Variants in GRIP1 observed in about 807,000 individuals in gnomAD.
GRIP1 encodes the protein glutamate receptor interacting protein 1.
In GRIP1, 45 loss-of-function variants were observed where a neutral mutation model predicts 129.9. The observed-to-expected ratio is 0.35, with a 90% CI of 0.27 to 0.44. GRIP1 has a LOEUF of 0.44. Ranked by LOEUF, GRIP1 falls within the 20% of genes least tolerant of loss-of-function variation. The pLI, the probability that GRIP1 is intolerant of heterozygous loss-of-function variation, is 1.00. For missense variants in GRIP1, 1,196 were observed against 1,396.8 expected, an observed-to-expected ratio of 0.86 and a Z score of 2.29; for synonymous variants, 530 against 520.8, an observed-to-expected ratio of 1.02 and a Z score of -0.24.
At chr12:66,658,835 G>C (rs988521596) in intron 1 of GRIP1, among the ~76,000 whole-genome samples, 1 of 151,704 alleles carries the variant, frequency 6.6e-6, no homozygotes, top group Non-Finnish European at 1.5e-5. Flanking sequence ...GAGGGGGGAA[G>C]ATTGCTTCAG....
At chr12:66,656,564 G>A (rs942508558) in intron 1 of GRIP1, among the ~76,000 whole-genome samples, 2 of 152,004 alleles carry the variant, frequency 1.3e-5, no homozygotes, top group Admixed American at 6.6e-5. Flanking sequence ...TTTTCTTATG[G>A]TACGGCATAT....
At chr12:66,945,652 G>A (rs572289989) in intron 1 of GRIP1, among the ~76,000 whole-genome samples, 3 of 152,154 alleles carry the variant, frequency 2.0e-5, no homozygotes, top group Non-Finnish European at 4.4e-5. Flanking sequence ...CAAGCCATGA[G>A]GGATCTGCCC....
At chr12:66,418,712 T>A (rs1223689899) in intron 15 of GRIP1, among the ~76,000 whole-genome samples, 5 of 152,140 alleles carry the variant, frequency 3.3e-5, no homozygotes, top group Admixed American at 3.3e-4. Flanking sequence ...TCAGTGGTCA[T>A]CAGAGAAATG....
intron 1 of GRIP1, among the ~76,000 whole-genome samples, chr12:66,913,839 T>C (rs757165554): frequency 6.6e-6 from 1 of 152,212 alleles, no homozygotes; most frequent in Non-Finnish European, 1.5e-5. Context: ...ATACTGTTCA[T>C]ATCATTTAAT....
At chr12:66,670,862 G>A (rs911993879) in intron 1 of GRIP1, among the ~76,000 whole-genome samples, 8 of 152,048 alleles carry the variant, frequency 5.3e-5, no homozygotes, top group East Asian at 1.9e-4. Context: ...TCACAGGAAG[G>A]CTATAGCAGT....
At chr12:66,593,858 T>C (rs1198308383) in intron 2 of GRIP1, among the ~76,000 whole-genome samples, 1 of 151,762 alleles carries the variant, frequency 6.6e-6, no homozygotes, top group Non-Finnish European at 1.5e-5. Flanking sequence ...CACGAGGTCA[T>C]GAGATGGAGA....
intron 1 of GRIP1, among the ~76,000 whole-genome samples, chr12:67,000,129 G>A (rs1016790547): frequency 1.3e-5 from 2 of 152,092 alleles, no homozygotes; most frequent in Non-Finnish European, 2.9e-5. Flanking sequence ...AGGACCTCTC[G>A]AGGGAAGCAA....
chr12:66,833,818 G>A (rs1271522073), intron 1 of GRIP1, among the ~76,000 whole-genome samples: 1 of 152,042 alleles, frequency 6.6e-6, no homozygotes, highest in African/African-American at 2.4e-5. Context: ...AGCCTTAATA[G>A]ATAAGACAAA....
chr12:66,601,750 C>G (rs531591395), intron 1 of GRIP1, among the ~76,000 whole-genome samples: 69 of 152,186 alleles, frequency 4.5e-4, no homozygotes, highest in Admixed American at 6.5e-5. Context: ...AGTGTTCATG[C>G]ATGTCCTTAC....
intron 1 of GRIP1, among the ~76,000 whole-genome samples, chr12:67,066,879 A>AATATACATAT (rs1555170027): frequency 6.8e-5 from 3 of 43,962 alleles, no homozygotes; most frequent in Admixed American, 3.5e-4. Flanking sequence ...GCTCAGTTTA[A>AATATACATAT]ATATATATTT....
At chr12:66,750,606 C>T (rs952795354) in intron 1 of GRIP1, among the ~76,000 whole-genome samples, 3 of 152,184 alleles carry the variant, frequency 2.0e-5, no homozygotes, top group African/African-American at 7.2e-5. Context: ...CTACCTTGTT[C>T]CACTGGTTTA....
intron 1 of GRIP1, among the ~76,000 whole-genome samples, chr12:66,949,654 T>TA (rs1402676392): frequency 6.6e-6 from 1 of 151,974 alleles, no homozygotes; most frequent in Non-Finnish European, 1.5e-5. Context: ...GCATTAAAGG[T>TA]AATCACCCTT....
chr12:66,840,260 T>A (rs2039691133), intron 1 of GRIP1, among the ~76,000 whole-genome samples: 2 of 152,192 alleles, frequency 1.3e-5, no homozygotes, highest in Non-Finnish European at 2.9e-5. Flanking sequence ...AACTTGAGGC[T>A]TTCCATCTCC....
At chr12:66,584,789 G>A (rs1294032987) in intron 2 of GRIP1, among the ~76,000 whole-genome samples, 1 of 151,972 alleles carries the variant, frequency 6.6e-6, no homozygotes, top group Non-Finnish European at 1.5e-5. Context: ...AGTGTCCTAG[G>A]TAATCCACTC....
chr12:66,483,183 G>A (rs1678160004), intron 7 of GRIP1, among the ~76,000 whole-genome samples: 1 of 152,136 alleles, frequency 6.6e-6, no homozygotes, highest in Non-Finnish European at 1.5e-5. Flanking sequence ...AGATAAGAAA[G>A]TACCTTTTGG....
chr12:66,429,525 T>A (rs190873846), intron 14 of GRIP1, among the ~76,000 whole-genome samples: 7 of 151,944 alleles, frequency 4.6e-5, no homozygotes, highest in African/African-American at 1.7e-4. Flanking sequence ...AGTGAGACTT[T>A]ATCTCTACAA....
At chr12:66,924,397 T>C (rs1456106618) in intron 1 of GRIP1, among the ~76,000 whole-genome samples, 1 of 152,212 alleles carries the variant, frequency 6.6e-6, no homozygotes, top group Non-Finnish European at 1.5e-5. Flanking sequence ...TTGATACATA[T>C]GTTGGGGCCC....
At chr12:66,522,249 C>A (rs2061040325) in intron 5 of GRIP1, among the ~76,000 whole-genome samples, 1 of 152,184 alleles carries the variant, frequency 6.6e-6, no homozygotes, top group Non-Finnish European at 1.5e-5. Context: ...GGAGGCACCC[C>A]CAAATAGGGG....
intron 7 of GRIP1, among the ~76,000 whole-genome samples, chr12:66,476,083 G>A (rs1465728730): frequency 6.6e-6 from 1 of 152,054 alleles, no homozygotes; most frequent in Admixed American, 6.5e-5. Context: ...TCCAGGATCT[G>A]GTTTTTTGAA....
Sources: allele counts gnomAD v4.1 joint callset (sites outside exome capture counted in the v4.1 genomes callset), GRCh38; gene constraint gnomAD v4.1.1; transcripts MANE v1.5; gene names NCBI Gene and HGNC (gene_info 2026-07-23, HGNC 2026-07-21).